GRID1: variants seen among roughly 807,000 people sequenced by gnomAD.
GRID1 encodes the protein glutamate receptor ionotropic, delta-1.
A neutral mutation model predicts 98.0 loss-of-function variants in GRID1; 28 were observed. That is an observed-to-expected ratio of 0.29 (90% CI 0.21 to 0.39). The LOEUF (loss-of-function observed/expected upper bound fraction) is 0.39. Among genes scored for constraint, GRID1 ranks in the 10% least tolerant of loss-of-function variants. GRID1 has a pLI of 1.00. For missense variants in GRID1, 1,111 were observed against 1,340.5 expected, an observed-to-expected ratio of 0.83 and a Z score of 2.67; for synonymous variants, 553 against 538.5, an observed-to-expected ratio of 1.03 and a Z score of -0.37.
intron 5 of GRID1, among the ~76,000 whole-genome samples, chr10:85,883,056 A>G (rs950326587): frequency 2.0e-5 from 3 of 152,160 alleles, no homozygotes; most frequent in African/African-American, 7.2e-5. Context: ...TAGAAGTCCA[A>G]TAAAAATATG....
At chr10:86,357,915 G>A (rs930139832) in intron 2 of GRID1, among the ~76,000 whole-genome samples, 1 of 152,212 alleles carries the variant, frequency 6.6e-6, no homozygotes, top group African/African-American at 2.4e-5. Context: ...AACGAGGGCC[G>A]TCCCTTGGGG....
At chr10:86,306,735 C>G (rs1474481895) in intron 2 of GRID1, among the ~76,000 whole-genome samples, 1 of 152,188 alleles carries the variant, frequency 6.6e-6, no homozygotes, top group Non-Finnish European at 1.5e-5. Flanking sequence ...AAACAGAGAT[C>G]CAAAGTCCCT....
chr10:86,324,323 C>A (rs543585187), intron 2 of GRID1, among the ~76,000 whole-genome samples: 1 of 152,110 alleles, frequency 6.6e-6, no homozygotes, highest in African/African-American at 2.4e-5. Flanking sequence ...ACTGATTATA[C>A]GTTGAGAGAC....
chr10:85,794,013 T>C (rs1480474261), intron 8 of GRID1, among the ~76,000 whole-genome samples: 1 of 152,228 alleles, frequency 6.6e-6, no homozygotes, highest in Non-Finnish European at 1.5e-5. Context: ...AGATTTAACA[T>C]GCAGCATTTC....
At chr10:85,726,845 G>T (rs546028764) in intron 10 of GRID1, among the ~76,000 whole-genome samples, 1 of 152,148 alleles carries the variant, frequency 6.6e-6, no homozygotes, top group Non-Finnish European at 1.5e-5. Flanking sequence ...TATAATGAAG[G>T]TTGCACAACC....
chr10:85,838,612 G>T (rs1842933564), intron 8 of GRID1, among the ~76,000 whole-genome samples: 1 of 152,100 alleles, frequency 6.6e-6, no homozygotes, highest in Admixed American at 6.5e-5. Flanking sequence ...GAGGGAATTT[G>T]TTACCACCAG....
rs1842541913 is a variant in GRID1 at position 85,599,683 on chromosome 10, T to C, written c.*2590A>G. 1.3e-5 allele frequency: 2 copies of C among 149,562 alleles called. No individual in the cohort carries two copies. Among genetic ancestry groups the C allele is most frequent in the Admixed American group, 1.3e-4 (2 of 14,966 alleles). The allele number at this position is 149,562 out of a possible 1,614,324, so 9.3% of individuals were successfully genotyped here. A position where few individuals can be genotyped will look rare whatever the true frequency, so the allele number is the denominator to read the frequency against. Reference sequence around the variant, plus strand: ...CAAAGAGCAAAGCATGAAAAAAAGATACATTCTGAGCTGACACAGAAATCT... The same window carrying C: ...CAAAGAGCAAAGCATGAAAAAAAGACACATTCTGAGCTGACACAGAAATCT... On this transcript the variant is annotated 3_prime_UTR_variant, in exon 16 of 16. Transcript: ENST00000327946.
At chr10:85,770,943 C>G (rs1034545497) in intron 8 of GRID1, among the ~76,000 whole-genome samples, 1 of 152,082 alleles carries the variant, frequency 6.6e-6, no homozygotes, top group African/African-American at 2.4e-5. Flanking sequence ...CAAGGCAGGC[C>G]AACATTCAGA....
At chr10:85,872,961 C>T (rs1350247786) in intron 5 of GRID1, among the ~76,000 whole-genome samples, 1 of 152,186 alleles carries the variant, frequency 6.6e-6, no homozygotes, top group East Asian at 1.9e-4. Flanking sequence ...GCAGCTTCCC[C>T]ACTTCCTTGG....
chr10:85,685,503 A>G (rs1471005524), intron 12 of GRID1, among the ~76,000 whole-genome samples: 2 of 152,208 alleles, frequency 1.3e-5, no homozygotes, highest in Admixed American at 1.3e-4. Flanking sequence ...TGTAAATTCA[A>G]TATAATGAAA....
intron 9 of GRID1, among the ~76,000 whole-genome samples, chr10:85,728,693 T>TA (rs755579737): frequency 4.6e-5 from 7 of 152,174 alleles, no homozygotes; most frequent in Non-Finnish European, 8.8e-5. Flanking sequence ...TGGCACTCCC[T>TA]ACCATTCCCC....
intron 12 of GRID1, among the ~76,000 whole-genome samples, chr10:85,712,073 AAAG>A (rs1841587473): frequency 6.6e-6 from 1 of 151,804 alleles, no homozygotes; most frequent in African/African-American, 2.4e-5. Flanking sequence ...ATTTAACACA[AAAG>A]AAGGCAGTAA....
chr10:85,999,358 A>G (rs1842779088), intron 4 of GRID1, among the ~76,000 whole-genome samples: 2 of 152,222 alleles, frequency 1.3e-5, no homozygotes, highest in South Asian at 2.1e-4. Context: ...TCAGTACTAG[A>G]TGATTTTACT....
At chr10:86,030,937 G>A (rs944001011) in intron 4 of GRID1, among the ~76,000 whole-genome samples, 4 of 152,162 alleles carry the variant, frequency 2.6e-5, no homozygotes, top group Non-Finnish European at 4.4e-5. Context: ...CACGTGTACA[G>A]TAAGGAGCAA....
chr10:85,669,712 G>A (rs1043766518), intron 12 of GRID1, among the ~76,000 whole-genome samples: 2 of 152,154 alleles, frequency 1.3e-5, no homozygotes, highest in Admixed American at 6.5e-5. Flanking sequence ...ATCCCCAGAC[G>A]GATCTTATCC....
At chr10:86,019,281 C>A (rs1843018698) in intron 4 of GRID1, among the ~76,000 whole-genome samples, 1 of 152,232 alleles carries the variant, frequency 6.6e-6, no homozygotes, top group Non-Finnish European at 1.5e-5. Flanking sequence ...CACACAGCTG[C>A]CCCCTCCACC....
At chr10:86,225,383 G>A (rs1347843592) in intron 2 of GRID1, among the ~76,000 whole-genome samples, 1 of 152,192 alleles carries the variant, frequency 6.6e-6, no homozygotes, top group Non-Finnish European at 1.5e-5. Flanking sequence ...TAACACCAAG[G>A]GAAGCAGTAC....
At chr10:85,904,967 T>C (rs773868322) in intron 5 of GRID1, among the ~76,000 whole-genome samples, 1 of 151,950 alleles carries the variant, frequency 6.6e-6, no homozygotes, top group South Asian at 2.1e-4. Flanking sequence ...TTTGCAGTAA[T>C]AATGGATTAA....
chr10:86,073,344 T>C (rs1843831203), intron 4 of GRID1, among the ~76,000 whole-genome samples: 1 of 152,184 alleles, frequency 6.6e-6, no homozygotes, highest in Admixed American at 6.5e-5. Context: ...CTGGTGTTTA[T>C]TCCCTGTTAC....
Sources: allele counts gnomAD v4.1 joint callset (sites outside exome capture counted in the v4.1 genomes callset), GRCh38; gene constraint gnomAD v4.1.1; transcripts MANE v1.5; gene names NCBI Gene and HGNC (gene_info 2026-07-23, HGNC 2026-07-21).